The following MAP3K7CL variants were observed in gnomAD, a reference collection of about 807,000 sequenced individuals.
MAP3K7CL encodes MAP3K7 C-terminal like.
MAP3K7CL carries 16 observed loss-of-function variants against 18.6 expected under a neutral mutation model. That is an observed-to-expected ratio of 0.86 (90% confidence interval 0.58 to 1.31). MAP3K7CL has a LOEUF of 1.31. MAP3K7CL is among the 50% of genes most tolerant of loss of function. The pLI is 0.00. For missense variants in MAP3K7CL, 163 were observed against 174.4 expected, an observed-to-expected ratio of 0.93 and a Z score of 0.37; for synonymous variants, 65 against 66.8, an observed-to-expected ratio of 0.97 and a Z score of 0.13.
chr21:29,170,307 G>T (rs2471951), intron 4 of MAP3K7CL, among the ~76,000 whole-genome samples: 56,393 of 152,076 alleles, frequency 0.37, 12,694 homozygotes, highest in Non-Finnish European at 0.5. Context: ...CAGTAAAGAA[G>T]AAATTATTAT....
chr21:29,092,999 G>C (rs1258499241), intron 4 of MAP3K7CL, among the ~76,000 whole-genome samples: 2 of 152,202 alleles, frequency 1.3e-5, no homozygotes, highest in African/African-American at 4.8e-5. Context: ...CACCTCCTGG[G>C]TTCAAGCGAT....
At chr21:29,085,537 A>C (rs2085909461), upstream of MAP3K7CL, among the ~76,000 whole-genome samples, 1 of 122,852 alleles carries the variant, frequency 8.1e-6, no homozygotes, top group Non-Finnish European at 1.6e-5. Context: ...ACAGAGCCAG[A>C]CTCTGTCTAA....
upstream of MAP3K7CL, among the ~76,000 whole-genome samples, chr21:29,125,688 T>G (rs1356149327): frequency 6.6e-6 from 1 of 152,224 alleles, no homozygotes; most frequent in African/African-American, 2.4e-5. Flanking sequence ...TTGTGGTTTT[T>G]CATTGCATTG....
At chr21:29,135,485 G>A (rs1203455198) in intron 2 of MAP3K7CL, among the ~76,000 whole-genome samples, 1 of 152,120 alleles carries the variant, frequency 6.6e-6, no homozygotes, top group Non-Finnish European at 1.5e-5. Flanking sequence ...TTTATCTCAG[G>A]CAGTATTAAT....
intron 4 of MAP3K7CL, among the ~76,000 whole-genome samples, chr21:29,119,198 T>C (rs1365531869): frequency 6.6e-6 from 1 of 152,200 alleles, no homozygotes; most frequent in Non-Finnish European, 1.5e-5. Context: ...AATATTAGGC[T>C]CGTGTAAATG....
intron 4 of MAP3K7CL, chr21:29,092,601 T>C (rs897826484): frequency 6.2e-7 from 1 of 1,611,146 alleles, no homozygotes; most frequent in Non-Finnish European, 8.5e-7. Flanking sequence ...CCGTCCACTT[T>C]CTGGAAGTCT....
chr21:29,106,446 C>T (rs372216613), intron 4 of MAP3K7CL, among the ~76,000 whole-genome samples: 13 of 152,212 alleles, frequency 8.5e-5, no homozygotes, highest in East Asian at 5.8e-4. Context: ...GCAGTACTTC[C>T]GAAGAAAGAG....
intron 4 of MAP3K7CL, among the ~76,000 whole-genome samples, chr21:29,111,180 C>T (rs1232649608): frequency 1.3e-5 from 2 of 151,726 alleles, no homozygotes; most frequent in Non-Finnish European, 2.9e-5. Context: ...TGCTTGAACC[C>T]GGAAGGTGGA....
chr21:29,095,207 C>T (rs539882834), intron 4 of MAP3K7CL, among the ~76,000 whole-genome samples: 5 of 151,804 alleles, frequency 3.3e-5, no homozygotes, highest in Non-Finnish European at 7.4e-5. Flanking sequence ...CACATGTATG[C>T]GTGTCTGTAT....
exon 1 of MAP3K7CL, chr21:29,085,862 T>C (rs765937298): frequency 6.8e-6 from 11 of 1,614,138 alleles, no homozygotes; most frequent in Non-Finnish European, 9.3e-6. Flanking sequence ...AGCGACTAGA[T>C]GGTTCAGCTG....
chr21:29,109,830 T>C (rs2086388637), intron 4 of MAP3K7CL: 13 of 971,806 alleles, frequency 1.3e-5, no homozygotes, highest in African/African-American at 1.8e-5. Flanking sequence ...ATATACATAG[T>C]GTAGACTCCC....
At chr21:29,150,689 G>GTT (rs1193764531) in intron 3 of MAP3K7CL, among the ~76,000 whole-genome samples, 1 of 151,028 alleles carries the variant, frequency 6.6e-6, no homozygotes, top group Non-Finnish European at 1.5e-5. Context: ...TTTAACCATA[G>GTT]TCTCTCCCTT....
chr21:29,133,910 G>A (rs1197208276), intron 2 of MAP3K7CL, among the ~76,000 whole-genome samples: 2 of 152,204 alleles, frequency 1.3e-5, no homozygotes, highest in African/African-American at 2.4e-5. Flanking sequence ...GACAGGTGAG[G>A]AGGAGCCTCT....
chr21:29,173,903 T>G (rs2087903909), intron 4 of MAP3K7CL, among the ~76,000 whole-genome samples: 1 of 152,190 alleles, frequency 6.6e-6, no homozygotes, highest in Non-Finnish European at 1.5e-5. Context: ...TGTCTCGCTA[T>G]GTTGCCGAGG....
At chr21:29,164,355 TTC>T (rs2087631196) in intron 4 of MAP3K7CL, among the ~76,000 whole-genome samples, 2 of 152,232 alleles carry the variant, frequency 1.3e-5, no homozygotes, top group African/African-American at 2.4e-5. Flanking sequence ...TGTTGAGAAT[TTC>T]TTTCTCATTA....
chr21:29,081,244 C>A (rs898585371), upstream of MAP3K7CL, among the ~76,000 whole-genome samples: 1 of 152,162 alleles, frequency 6.6e-6, no homozygotes, highest in Non-Finnish European at 1.5e-5. Context: ...AGGAGGTTTT[C>A]TGCTATTAAA....
chr21:29,157,295 T>A (rs2087430969), intron 3 of MAP3K7CL, among the ~76,000 whole-genome samples: 1 of 152,210 alleles, frequency 6.6e-6, no homozygotes, highest in Non-Finnish European at 1.5e-5. Context: ...CCTCTTCCTA[T>A]GGCAACAAAT....
chr21:29,096,435 C>T (rs1407822516), intron 4 of MAP3K7CL, among the ~76,000 whole-genome samples: 1 of 152,044 alleles, frequency 6.6e-6, no homozygotes, highest in African/African-American at 2.4e-5. Context: ...ACAAAGTGCA[C>T]AAAGAGTTTA....
intron 1 of MAP3K7CL, among the ~76,000 whole-genome samples, chr21:29,080,082 G>A (rs912240990): frequency 6.6e-6 from 1 of 152,136 alleles, no homozygotes; most frequent in Non-Finnish European, 1.5e-5. Context: ...TTTATTTCAG[G>A]TGACTTGAGA....
Sources: gnomAD v4.1 joint callset for allele counts (sites outside exome capture counted in the v4.1 genomes callset) on GRCh38, gnomAD v4.1.1 for gene constraint, MANE v1.5 for transcripts, NCBI Gene and HGNC (gene_info 2026-07-23, HGNC 2026-07-21) for gene names.